WFDC3: variants seen among roughly 807,000 people sequenced by gnomAD.
WFDC3 encodes WAP four-disulfide core domain 3.
Under a neutral mutation model 25.8 loss-of-function variants are expected in WFDC3, and 15 were observed. The observed-to-expected ratio is 0.58, with a 90% confidence interval of 0.39 to 0.89. The LOEUF (loss-of-function observed/expected upper bound fraction) is 0.89, where lower values mean the gene tolerates loss of function less well. WFDC3 is among the 40% of genes least tolerant of loss of function. The probability of loss-of-function intolerance (pLI) is 0.00; values close to 1 mark genes in which losing one functional copy is unlikely to be tolerated. For missense variants in WFDC3, 264 were observed against 289.8 expected (o/e 0.91, Z 0.65); for synonymous variants, 103 against 107.1 (o/e 0.96, Z 0.24).
At chr20:45,776,635 A>AAAT (rs1555812766) in intron 5 of WFDC3, among the ~76,000 whole-genome samples, 21 of 92,932 alleles carry the variant, frequency 2.3e-4, no homozygotes, top group South Asian at 1.3e-3. Context: ...AAAAAAAAAA[A>AAAT]ATATATATAT....
intron 2 of WFDC3, 130 bp from the exon 3 acceptor site, chr20:45,789,189 A>C: frequency 1.6e-6 from 2 of 1,260,508 alleles, no homozygotes; most frequent in South Asian, 1.5e-5. Flanking sequence ...GGGTGACAGA[A>C]TGAGACCCTG....
intron 4 of WFDC3, among the ~76,000 whole-genome samples, chr20:45,783,801 C>A (rs1203047828): frequency 6.6e-6 from 1 of 152,154 alleles, no homozygotes; most frequent in Admixed American, 6.5e-5. Flanking sequence ...TTTCATAGCC[C>A]TGGAAGGAGA....
At chr20:45,781,643 G>C (rs1004528155) in intron 4 of WFDC3, among the ~76,000 whole-genome samples, 2 of 152,196 alleles carry the variant, frequency 1.3e-5, no homozygotes, top group Admixed American at 6.5e-5. Context: ...TGTGTGAAGT[G>C]TTTTCTACCA....
At chr20:45,779,558 T>C (rs78487090) in intron 4 of WFDC3, among the ~76,000 whole-genome samples, 1,636 of 152,150 alleles carry the variant, frequency 0.011, 28 homozygotes, top group African/African-American at 0.038. Flanking sequence ...AACCACCAAA[T>C]GCATCTCCCT....
Position 45,787,084 on chromosome 20 carries a change from A to ACT in WFDC3, c.358+750_358+751dup, listed in dbSNP as rs1289260141. ...ACTCTAGCCTGGGAGACAGAGCAAG[A>ACT]CTCTCTCTCAAAAAAAAAAAAAAAA... On this transcript the variant is annotated intron_variant, in intron 4 of 6. Coordinates refer to ENST00000243938, the MANE Select transcript of WFDC3 (RefSeq NM_080614.2). 1.9e-3 allele frequency among the ~76,000 whole-genome samples: 209 copies of ACT among 112,190 alleles called. 2 individuals carry two copies. Among genetic ancestry groups the ACT allele is most frequent in the Non-Finnish European group, 3.1e-3 (180 of 57,576 alleles). The allele number at this position is 112,190 out of a possible 152,430, so 73.6% of individuals were successfully genotyped here. A position where few individuals can be genotyped will look rare whatever the true frequency, so the allele number is the denominator to read the frequency against.
At chr20:45,774,481 C>T (rs372878925) in intron 6 of WFDC3, 37 bp from the exon 7 acceptor site, 3 of 1,613,834 alleles carry the variant, frequency 1.9e-6, no homozygotes, top group East Asian at 2.2e-5. Context: ...CAGCTGTGCC[C>T]TCCTGGCTTC....
At chr20:45,787,196 C>G (rs1161797755) in intron 4 of WFDC3, among the ~76,000 whole-genome samples, 1 of 137,640 alleles carries the variant, frequency 7.3e-6, no homozygotes, top group Non-Finnish European at 1.5e-5. Flanking sequence ...TTTTCTGTCT[C>G]TGCAGATTCT....
intron 1 of WFDC3, among the ~76,000 whole-genome samples, chr20:45,790,366 A>G (rs535063515): frequency 6.6e-6 from 1 of 152,378 alleles, no homozygotes; most frequent in East Asian, 1.9e-4. Flanking sequence ...GGAGGGATTC[A>G]CGACACTACT....
Position 45,774,339 on chromosome 20 carries a change from AATGTCACAAGCCCCAGG to A in WFDC3, c.*72_*88del, listed in dbSNP as rs996675594. ...AGAGAGGGCCATGAGTGCCCCTGGA[AATGTCACAAGCCCCAGG>A]ATGTCACCCTCTCTTGACTGCCAGG... On this transcript the variant is annotated 3_prime_UTR_variant, in exon 7 of 7. Transcript: ENST00000243938. The A allele has an allele frequency of 1.1e-5, 18 of 1,580,634 alleles. No individual in the cohort carries two copies. Among genetic ancestry groups the A allele is most frequent in the Non-Finnish European group, 5.2e-6 (6 of 1,149,902 alleles).
At chr20:45,781,092 A>T (rs921727773) in intron 4 of WFDC3, among the ~76,000 whole-genome samples, 10 of 151,818 alleles carry the variant, frequency 6.6e-5, no homozygotes, top group Admixed American at 6.6e-5. Context: ...ATACAAAAAA[A>T]AAAAAAAAAA....
At chr20:45,791,246 C>T (rs1455996409) in intron 1 of WFDC3, among the ~76,000 whole-genome samples, 1 of 122,984 alleles carries the variant, frequency 8.1e-6, no homozygotes, top group African/African-American at 3.1e-5. Context: ...TGCAGTGGCG[C>T]GATCTCGGCA....
At chr20:45,788,392 G>C (rs1361239546) in intron 3 of WFDC3, 1 of 160,332 alleles carries the variant, frequency 6.2e-6, no homozygotes, top group Admixed American at 6.4e-5. Context: ...AGGAAGTCCT[G>C]AGATTTATTT....
At chr20:45,775,646 C>A in intron 5 of WFDC3, 44 bp from the exon 6 acceptor site, 1 of 1,608,650 alleles carries the variant, frequency 6.2e-7, no homozygotes, top group Non-Finnish European at 8.5e-7. Context: ...GGCATCAGCT[C>A]TGCCATCTCC....
chr20:45,788,060 T>C (rs564989921), intron 3 of WFDC3, 78 bp from the exon 4 acceptor site: 58 of 1,486,650 alleles, frequency 3.9e-5, no homozygotes, highest in Non-Finnish European at 5.0e-5. Context: ...TCCCAGCACT[T>C]TGGGAGGCCA....
intron 4 of WFDC3, among the ~76,000 whole-genome samples, chr20:45,780,512 G>A (rs1980396331): frequency 6.6e-6 from 1 of 152,150 alleles, no homozygotes; most frequent in Non-Finnish European, 1.5e-5. Context: ...GCCATGCTAG[G>A]TAAGGTCAGT....
intron 4 of WFDC3, among the ~76,000 whole-genome samples, chr20:45,783,747 A>G (rs1284017293): frequency 1.3e-5 from 2 of 152,092 alleles, no homozygotes; most frequent in African/African-American, 4.8e-5. Context: ...AGCGCTGGCT[A>G]TGGTAAACCT....
chr20:45,781,071 C>G (rs1863585170), intron 4 of WFDC3, among the ~76,000 whole-genome samples: 1 of 145,708 alleles, frequency 6.9e-6, no homozygotes, highest in Non-Finnish European at 1.5e-5. Flanking sequence ...GAAACCCTGT[C>G]TCTACTAAAA....
Position 45,787,953 on chromosome 20 carries a change from G to GAATAACC in WFDC3, c.234_240dup (p.Arg81GlyfsTer14). Reference sequence around the variant, plus strand: ...CACCTTTTCAAACAGGATTGTTTCCGAATAACCCTAGGGCAATCTCTTTTC... The same window carrying GAATAACC: ...CACCTTTTCAAACAGGATTGTTTCCGAATAACCAATAACCCTAGGGCAATCTCTTTTC... On this transcript the variant is annotated frameshift_variant, in exon 4 of 7. Transcript: ENST00000243938. LOFTEE classifies it high-confidence loss of function. 6.2e-7 allele frequency: 1 copy of GAATAACC among 1,613,752 alleles called. No individual in the cohort carries two copies. Among genetic ancestry groups the GAATAACC allele is most frequent in the Non-Finnish European group, 8.5e-7 (1 of 1,179,900 alleles).
chr20:45,782,589 G>T (rs919967543), intron 4 of WFDC3, among the ~76,000 whole-genome samples: 13 of 152,020 alleles, frequency 8.6e-5, no homozygotes, highest in Non-Finnish European at 2.9e-5. Context: ...TGTTGGCCAG[G>T]CTGGTCTCAA....
Sources: allele counts gnomAD v4.1 joint callset (sites outside exome capture counted in the v4.1 genomes callset), GRCh38; gene constraint gnomAD v4.1.1; transcripts MANE v1.5; gene names NCBI Gene and HGNC (gene_info 2026-07-23, HGNC 2026-07-21).